Variants in TCEANC2 observed in about 807,000 individuals in gnomAD.
TCEANC2 encodes transcription elongation factor A N-terminal and central domain containing 2.
In TCEANC2, 20 loss-of-function variants were observed where a neutral mutation model predicts 22.8. That is an observed-to-expected ratio of 0.88 (90% confidence interval 0.62 to 1.28). The LOEUF (loss-of-function observed/expected upper bound fraction) is 1.28, where lower values mean the gene tolerates loss of function less well. Ranked by LOEUF, TCEANC2 falls within the 50% of genes most tolerant of loss-of-function variation. TCEANC2 has a pLI of 0.00. For missense variants in TCEANC2, 251 were observed against 249.7 expected (o/e 1.01, Z -0.03); for synonymous variants, 84 against 95.5 (o/e 0.88, Z 0.70).
At chr1:54,111,167 A>G (rs1658832933) in exon 5 of TCEANC2, 1 of 152,088 alleles carries the variant, frequency 6.6e-6, no homozygotes, top group Non-Finnish European at 1.5e-5. Flanking sequence ...AATGGATGGC[A>G]CCGCCCCCGT....
At chr1:54,095,938 A>G (rs1394218511) in intron 4 of TCEANC2, among the ~76,000 whole-genome samples, 1 of 152,090 alleles carries the variant, frequency 6.6e-6, no homozygotes, top group Non-Finnish European at 1.5e-5. Context: ...CTAAAAACAA[A>G]ACAAAAAAAA....
At chr1:54,089,464 A>G (rs975963910) in intron 4 of TCEANC2, among the ~76,000 whole-genome samples, 1 of 152,230 alleles carries the variant, frequency 6.6e-6, no homozygotes, top group Non-Finnish European at 1.5e-5. Context: ...GGTTTGAAGT[A>G]TACATGCTGG....
rs1335706978 is a variant in TCEANC2 at position 54,096,155 on chromosome 1, G to T, written c.439-130G>T. The T allele has an allele frequency of 3.6e-6, 5 of 1,371,374 alleles. No individual in the cohort carries two copies. Among genetic ancestry groups the T allele is most frequent in the African/African-American group, 1.4e-5 (1 of 69,236 alleles). The allele number at this position is 1,371,374 out of a possible 1,614,324, so 85.0% of individuals were successfully genotyped here. A position where few individuals can be genotyped will look rare whatever the true frequency, so the allele number is the denominator to read the frequency against. On this transcript the variant is annotated intron_variant, in intron 4 of 4. Coordinates refer to ENST00000234827, the MANE Select transcript of TCEANC2 (RefSeq NM_153035.3). The surrounding 1 kb of genome is among the most constrained non-coding windows in gnomAD (Gnocchi z 4.9). Reference sequence around the variant, plus strand: ...TTAATTTGCTCTTCCTGTTTCTCTTGTGACAGGAAGTAGATGTCCTTGAAT... The same window carrying T: ...TTAATTTGCTCTTCCTGTTTCTCTTTTGACAGGAAGTAGATGTCCTTGAAT...
intron 3 of TCEANC2, among the ~76,000 whole-genome samples, chr1:54,083,189 A>G (rs1253702715): frequency 6.6e-6 from 1 of 152,140 alleles, no homozygotes; most frequent in East Asian, 1.9e-4. Flanking sequence ...GCAGGTGGAG[A>G]TGTCCAGTAG....
intron 2 of TCEANC2, among the ~76,000 whole-genome samples, chr1:54,064,857 G>A (rs557430899): frequency 1.6e-4 from 24 of 151,994 alleles, no homozygotes; most frequent in Middle Eastern, 3.4e-3. Flanking sequence ...GTGCCACCAT[G>A]CCCAGGTAAT....
chr1:54,066,014 C>T (rs943266210), intron 2 of TCEANC2, among the ~76,000 whole-genome samples: 2 of 150,050 alleles, frequency 1.3e-5, no homozygotes, highest in East Asian at 2.0e-4. Context: ...GAGAGGGGGG[C>T]GGAGGTTGCA....
exon 5 of TCEANC2, chr1:54,111,287 G>T (rs565338544): frequency 2.6e-5 from 4 of 152,266 alleles, no homozygotes; most frequent in Non-Finnish European, 5.9e-5. Flanking sequence ...AACCCAGAGC[G>T]GAGGCGCAGC....
chr1:54,059,800 A>T (rs1657817701), intron 2 of TCEANC2, among the ~76,000 whole-genome samples: 1 of 152,224 alleles, frequency 6.6e-6, no homozygotes, highest in Admixed American at 6.5e-5. Flanking sequence ...AACAGTAATC[A>T]TCTGTATTCT....
In TCEANC2 at chr1:54,092,193, G is replaced by C. The variant is rs115083668; in HGVS notation, c.438+3403G>C. ...TTCAATTCAACAGATGTTTAGTAAG[G>C]ATCTACTTGGTGCTGGGGGAGAAGA... On this transcript the variant is annotated intron_variant, in intron 4 of 4. Coordinates refer to ENST00000234827, the MANE Select transcript of TCEANC2 (RefSeq NM_153035.3). Among the ~76,000 whole-genome samples, 310 of 152,300 alleles carry C rather than the reference G, an allele frequency of 2.0e-3. 1 individual carries two copies. The highest frequency in any genetic ancestry group is 7.3e-3 in the African/African-American group (302 of 41,550).
intron 3 of TCEANC2, among the ~76,000 whole-genome samples, chr1:54,083,959 A>G (rs1412305808): frequency 6.6e-6 from 1 of 152,214 alleles, no homozygotes; most frequent in Non-Finnish European, 1.5e-5. Context: ...ACTAAACTAA[A>G]AAAAGTGATC....
At chr1:54,064,243 C>G (rs1657907950) in intron 2 of TCEANC2, among the ~76,000 whole-genome samples, 1 of 152,164 alleles carries the variant, frequency 6.6e-6, no homozygotes, top group Non-Finnish European at 1.5e-5. Flanking sequence ...TCAAAGAGAC[C>G]TTAAATATGT....
At chr1:54,107,062 G>C (rs545922009), downstream of TCEANC2, among the ~76,000 whole-genome samples, 1 of 152,254 alleles carries the variant, frequency 6.6e-6, no homozygotes, top group South Asian at 2.1e-4. Flanking sequence ...GACTTTGCCA[G>C]TCTTCCCACC....
chr1:54,067,311 A>C (rs761589042), intron 2 of TCEANC2, among the ~76,000 whole-genome samples: 2 of 152,194 alleles, frequency 1.3e-5, no homozygotes, highest in African/African-American at 4.8e-5. Flanking sequence ...TGGGATCCCT[A>C]TAGGGAGAGC....
chr1:54,089,469 T>C (rs558363738), intron 4 of TCEANC2, among the ~76,000 whole-genome samples: 61 of 152,332 alleles, frequency 4.0e-4, no homozygotes, highest in African/African-American at 1.3e-3. Context: ...GAAGTATACA[T>C]GCTGGAAGAA....
chr1:54,062,360 G>C (rs1439044286), intron 2 of TCEANC2, among the ~76,000 whole-genome samples: 1 of 152,202 alleles, frequency 6.6e-6, no homozygotes, highest in East Asian at 1.9e-4. Flanking sequence ...CCCATAGTTA[G>C]AGATTGAGAC....
chr1:54,105,751 C>G lies in TCEANC2; in HGVS notation c.*9278C>G, dbSNP rs538589754. ...AAGCGATTCTCCTGCCTCAGCCTCC[C>G]GAGTAGCTGGGACTACCATGCCACC... On this transcript the variant is annotated 3_prime_UTR_variant, in exon 5 of 5. Coordinates refer to ENST00000234827, the MANE Select transcript of TCEANC2 (RefSeq NM_153035.3). The G allele has an allele frequency of 6.6e-6, 1 of 152,256 alleles. No individual in the cohort carries two copies. The highest frequency in any genetic ancestry group is 6.5e-5 in the Admixed American group (1 of 15,274). The allele number at this position is 152,256 out of a possible 1,614,324, so 9.4% of individuals were successfully genotyped here.
chr1:54,081,814 T>G (rs1055683336), intron 3 of TCEANC2, among the ~76,000 whole-genome samples: 1 of 152,212 alleles, frequency 6.6e-6, no homozygotes, highest in Non-Finnish European at 1.5e-5. Context: ...GCATGGCTCT[T>G]GTGGGAGTAT....
Position 54,100,929 on chromosome 1 carries a change from A to C in TCEANC2, c.*4456A>C, listed in dbSNP as rs1205326007. On this transcript the variant is annotated 3_prime_UTR_variant, in exon 5 of 5. Coordinates refer to ENST00000234827, the MANE Select transcript of TCEANC2 (RefSeq NM_153035.3). ...GAAACCCAACAATTTAAGGCAAAGG[A>C]AAGAAACACTTGAGATTCAGTCAAT... The C allele has an allele frequency of 6.6e-6, 1 of 152,260 alleles. No individual in the cohort carries two copies. The highest frequency in any genetic ancestry group is 1.5e-5 in the Non-Finnish European group (1 of 68,050). 9.4% of individuals were successfully genotyped at this position (152,260 alleles called of 1,614,324 possible).
intron 3 of TCEANC2, among the ~76,000 whole-genome samples, chr1:54,078,761 G>A (rs1658188548): frequency 6.6e-6 from 1 of 152,150 alleles, no homozygotes; most frequent in Admixed American, 6.5e-5. Flanking sequence ...AAGATGAAGG[G>A]GCTGAAGAAC....
Sources: gnomAD v4.1 joint callset for allele counts (sites outside exome capture counted in the v4.1 genomes callset) on GRCh38, gnomAD v4.1.1 for gene constraint, Gnocchi (gnomAD v3.1) non-coding constraint, MANE v1.5 for transcripts, NCBI Gene and HGNC (gene_info 2026-07-23, HGNC 2026-07-21) for gene names.